STAG3: variants seen among roughly 807,000 people sequenced by gnomAD.
STAG3 encodes STAG3 cohesin complex component, also known as cohesin subunit SA-3.
STAG3 carries 101 observed loss-of-function variants against 160.7 expected under a neutral mutation model. The observed-to-expected ratio is 0.63, with a 90% CI of 0.54 to 0.74. STAG3 has a LOEUF of 0.74. Among genes scored for constraint, STAG3 ranks in the 30% least tolerant of loss-of-function variants. The probability of loss-of-function intolerance (pLI) is 0.00; values close to 1 mark genes in which losing one functional copy is unlikely to be tolerated. For synonymous variants in STAG3, 519 were observed against 585.0 expected (o/e 0.89, Z 1.63); for missense variants, 1,188 against 1,517.4 (o/e 0.78, Z 3.61).
intron 2 of STAG3, among the ~76,000 whole-genome samples, chr7:100,181,780 A>T (rs1398007515): frequency 1.3e-5 from 2 of 152,072 alleles, no homozygotes; most frequent in African/African-American, 4.8e-5. Flanking sequence ...AAACACCTGT[A>T]ATCCCAGCTA....
In STAG3 at chr7:100,199,624, G is replaced by A. The variant is rs1267287606; in HGVS notation, c.1657G>A (p.Gly553Ser). 1.2e-6 allele frequency: 2 copies of A among 1,600,024 alleles called. No homozygotes were observed. The highest frequency in any genetic ancestry group is 2.7e-5 in the African/African-American group (2 of 74,858). ...RQASEGHPPV[G>S]RVTGRKGLTS... ...AGCTTCAGAGGGGCACCCGCCTGTGGGCCGGGTCACTGGGAGGAAGGTATG... is the reference window on the plus strand; with the variant it reads ...AGCTTCAGAGGGGCACCCGCCTGTGAGCCGGGTCACTGGGAGGAAGGTATG... Residue 553 changes from glycine to serine, a missense_variant, in exon 16 of 34, where the codon GGC becomes AGC. Gly to Ser is a moderately conservative substitution (Grantham distance 56, BLOSUM62 0). Transcript: ENST00000615138.
At chr7:100,179,821 C>G (rs1426604810) in intron 1 of STAG3, among the ~76,000 whole-genome samples, 1 of 152,120 alleles carries the variant, frequency 6.6e-6, no homozygotes, top group Non-Finnish European at 1.5e-5. Flanking sequence ...CCACAACCTC[C>G]GCCTTCTAGG....
rs1298008542 is a variant in STAG3, at chr7:100,214,210, C to T, written c.*195C>T. On this transcript the variant is annotated 3_prime_UTR_variant, in exon 34 of 34. Coordinates refer to ENST00000615138, the MANE Select transcript of STAG3 (RefSeq NM_001282717.2). ...AGAGAAGCCGAGAGACCCTGTCCTC[C>T]CTAATGCACTGTGGCCCAGTCCCCT... The T allele has an allele frequency of 1.7e-5, 12 of 698,352 alleles. No homozygotes were observed. The highest frequency in any genetic ancestry group is 5.7e-5 in the Admixed American group (2 of 35,024). The allele number at this position is 698,352 out of a possible 1,614,324, so 43.3% of individuals were successfully genotyped here.
At chr7:100,194,128 G>C (rs1800529024) in intron 8 of STAG3, among the ~76,000 whole-genome samples, 1 of 151,824 alleles carries the variant, frequency 6.6e-6, no homozygotes, top group Admixed American at 6.6e-5. Flanking sequence ...TCTGTTTTTA[G>C]TAGAGACGGG....
At chr7:100,188,613 A>G in intron 6 of STAG3, 84 bp downstream of exon 6, 1 of 1,241,160 alleles carries the variant, frequency 8.1e-7, no homozygotes, top group East Asian at 2.3e-5. Context: ...ATTCTGTGAA[A>G]TAGGGTAGCT....
At chr7:100,209,462 G>C (rs180725473) in intron 29 of STAG3, among the ~76,000 whole-genome samples, 32 of 152,274 alleles carry the variant, frequency 2.1e-4, no homozygotes, top group African/African-American at 7.5e-4. Context: ...ACCAAAGAGG[G>C]TACAGGATCC....
At position 100,207,363 on chromosome 7, in the gene STAG3, A is replaced by G. The variant is rs1370308595; in HGVS notation, c.3238+1979A>G. 8.5e-5 allele frequency among the ~76,000 whole-genome samples: 13 copies of G among 152,156 alleles called. No individual in the cohort carries two copies. The highest frequency in any genetic ancestry group is 7.9e-4 in the Admixed American group (12 of 15,266). ...AATGTATGGGGACTCTGGTTTCTCC[A>G]TGTTGTCACCGGTACTTATTAATGT... On this transcript the variant is annotated intron_variant, in intron 29 of 33. Coordinates refer to ENST00000615138, the MANE Select transcript of STAG3 (RefSeq NM_001282717.2). The surrounding 1 kb of genome is among the most constrained non-coding windows in gnomAD (Gnocchi z 4.0).
Position 100,188,440 on chromosome 7 carries a change from C to T in STAG3, c.434-13C>T. On this transcript the variant is annotated splice_polypyrimidine_tract_variant and intron_variant, in intron 5 of 33. Coordinates refer to ENST00000615138, the MANE Select transcript of STAG3 (RefSeq NM_001282717.2). ...ATTTTCCTTGTAAGCACCTCATATCCTTCATTCTTTAGGCATTGTGACCCC... is the reference window on the plus strand; with the variant it reads ...ATTTTCCTTGTAAGCACCTCATATCTTTCATTCTTTAGGCATTGTGACCCC... 4 of 1,584,434 alleles carry T rather than the reference C, an allele frequency of 2.5e-6. No homozygotes were observed. The highest frequency in any genetic ancestry group is 3.5e-6 in the Non-Finnish European group (4 of 1,152,934).
chr7:100,180,694 TG>T (rs768828924), intron 2 of STAG3, 22 bp downstream of exon 2: 3 of 1,421,500 alleles, frequency 2.1e-6, no homozygotes, highest in Non-Finnish European at 3.0e-6. Context: ...TTGCATTGTG[TG>T]GCCACTTCCT....
chr7:100,206,222 T>C (rs1414932987), intron 29 of STAG3, among the ~76,000 whole-genome samples: 3 of 152,008 alleles, frequency 2.0e-5, no homozygotes, highest in Non-Finnish European at 4.4e-5. Context: ...TTCAGCATGT[T>C]AGCCAGGATG....
In STAG3 at chr7:100,202,193, C is replaced by T; in HGVS notation, c.2416C>T (p.Leu806=). The T allele has an allele frequency of 4.3e-6, 7 of 1,613,812 alleles. No homozygotes were observed. The highest frequency in any genetic ancestry group is 5.9e-6 in the Non-Finnish European group (7 of 1,179,946). Residue 806 remains leucine, a synonymous_variant, in exon 24 of 34, where the codon CTA becomes TTA. Coordinates refer to ENST00000615138, the MANE Select transcript of STAG3 (RefSeq NM_001282717.2). ...QEQAFVLLSD[L]LLIFSPQMIV... is the part of the protein sequence containing the mutation. ...ACAGGCTTTTGTCTTATTAAGTGAT[C>T]TACTTCTCATCTTTAGCCCTCAGAT...
chr7:100,182,145 C>A lies in STAG3; in HGVS notation c.172C>A (p.Arg58Ser), dbSNP rs200232685. 5.2e-5 allele frequency: 84 copies of A among 1,613,306 alleles called. No homozygotes were observed. Among genetic ancestry groups the A allele is most frequent in the Non-Finnish European group, 6.3e-5 (74 of 1,179,910 alleles). The stretch of plus-strand genomic sequence containing the variant: ...CACTGACTTTGAAGACAGCTTGAAT[C>A]GCAATGTGAAGAAGAGAGCAGCAAA... ...EDTDFEDSLN[R>S]NVKKRAAKRP... is the part of the protein sequence containing the mutation. The change falls in exon 3 of 34, where the codon CGC becomes AGC. Residue 58 changes from arginine (R) to serine (S), a missense_variant. By Grantham distance (110) the Arg-to-Ser change is moderately radical. This residue lies in a region of STAG3 where 296 missense variants were observed against 404.0 expected (regional missense o/e 0.73). Coordinates refer to ENST00000615138, the MANE Select transcript of STAG3 (RefSeq NM_001282717.2).
chr7:100,200,874 G>A lies in STAG3; in HGVS notation c.1966G>A (p.Glu656Lys), dbSNP rs745695694. 11 of 1,614,058 alleles carry A rather than the reference G, an allele frequency of 6.8e-6. No homozygotes were observed. Among genetic ancestry groups the A allele is most frequent in the East Asian group, 2.2e-5 (1 of 44,884 alleles). Residue 656 changes from glutamate (E) to lysine (K), a missense_variant, in exon 19 of 34, where the codon GAA becomes AAA. Glu to Lys is a moderately conservative substitution (Grantham distance 56). Coordinates refer to ENST00000615138, the MANE Select transcript of STAG3 (RefSeq NM_001282717.2). Reference protein sequence around the residue: ...AHALYLLCNPEFTFFSRADFA... With the variant: ...AHALYLLCNPKFTFFSRADFA... ...TGCCCTCTACCTGCTCTGTAATCCC[G>A]AATTCACTTTCTTCAGCCGGGCGGA... is the stretch of plus-strand genomic sequence containing the variant.
At chr7:100,204,885 G>A in intron 27 of STAG3, 110 bp downstream of exon 27, 1 of 1,578,872 alleles carries the variant, frequency 6.3e-7, no homozygotes, top group Non-Finnish European at 8.6e-7. Flanking sequence ...CAGGTTAGGG[G>A]TGGGTATGCC....
chr7:100,184,463 G>GGTTT (rs71126310), intron 4 of STAG3, among the ~76,000 whole-genome samples: 20,820 of 98,688 alleles, frequency 0.21, 2,948 homozygotes, highest in East Asian at 0.5. Context: ...CAGCGTGTTA[G>GGTTT]TTTTTTTTTT....
At chr7:100,199,014 G>C in intron 14 of STAG3, 57 bp downstream of exon 14, 1 of 1,515,638 alleles carries the variant, frequency 6.6e-7, no homozygotes, top group Non-Finnish European at 9.2e-7. Context: ...AGTGGGCTGG[G>C]GTTGGTGGCT....
Position 100,197,185 on chromosome 7 carries a change from G to T in STAG3, c.971G>T (p.Cys324Phe), listed in dbSNP as rs1290072573. 6.2e-7 allele frequency: 1 copy of T among 1,602,694 alleles called. No individual in the cohort carries two copies. Among genetic ancestry groups the T allele is most frequent in the East Asian group, 2.2e-5 (1 of 44,762 alleles). The change falls in exon 10 of 34, where the codon TGC (cysteine) becomes TTC (phenylalanine). Residue 324 changes from cysteine (C) to phenylalanine (F), a missense_variant. By Grantham distance (205) the Cys-to-Phe change is radical. This residue lies in a region of STAG3 where 296 missense variants were observed against 404.0 expected (regional missense o/e 0.73). Coordinates refer to ENST00000615138, the MANE Select transcript of STAG3 (RefSeq NM_001282717.2). ...RDVLPEIRAI[C>F]IEEIGCWMQS... ...GTCCTTCCTGAGATCCGTGCTATCTGCATTGAGGAAATTGGGTGTTGGATG... is the reference window on the plus strand; with the variant it reads ...GTCCTTCCTGAGATCCGTGCTATCTTCATTGAGGAAATTGGGTGTTGGATG...
chr7:100,191,783 A>G (rs1800358779), intron 8 of STAG3, among the ~76,000 whole-genome samples: 1 of 152,344 alleles, frequency 6.6e-6, no homozygotes, highest in African/African-American at 2.4e-5. Flanking sequence ...TCCTTTTACA[A>G]AAAATTTCTC....
At chr7:100,217,471 C>G (rs1563021542), downstream of STAG3, among the ~76,000 whole-genome samples, 1 of 152,238 alleles carries the variant, frequency 6.6e-6, no homozygotes, top group Non-Finnish European at 1.5e-5. Flanking sequence ...CCTACTAGGT[C>G]TGTGGGTTTT....
Sources: allele counts gnomAD v4.1 joint callset (sites outside exome capture counted in the v4.1 genomes callset), GRCh38; gene constraint gnomAD v4.1.1; regional missense constraint gnomAD v4.1.1; non-coding constraint Gnocchi (gnomAD v3.1); transcripts MANE v1.5; gene names NCBI Gene and HGNC (gene_info 2026-07-23, HGNC 2026-07-21).